Variants in MEGF11 observed in about 807,000 individuals in gnomAD.
The protein encoded by MEGF11 is multiple EGF like domains 11, also known as multiple epidermal growth factor-like domains protein 11.
A neutral mutation model predicts 146.6 loss-of-function variants in MEGF11; 126 were observed. The observed-to-expected ratio is 0.86, with a 90% confidence interval of 0.74 to 1.00. The LOEUF (loss-of-function observed/expected upper bound fraction) is 1.00. Ranked by LOEUF, MEGF11 falls within the 50% of genes least tolerant of loss-of-function variation. The probability of loss-of-function intolerance (pLI) is 0.00; values close to 1 mark genes in which losing one functional copy is unlikely to be tolerated. For synonymous variants in MEGF11, 532 were observed against 583.4 expected (o/e 0.91, Z 1.27); for missense variants, 1,509 against 1,521.2 (o/e 0.99, Z 0.13).
intron 2 of MEGF11, among the ~76,000 whole-genome samples, chr15:66,125,205 G>A (rs190400921): frequency 6.6e-6 from 1 of 152,348 alleles, no homozygotes; most frequent in East Asian, 1.9e-4. Context: ...CACTGGGGAT[G>A]TAAGGAGGGC....
intron 1 of MEGF11, among the ~76,000 whole-genome samples, chr15:66,145,033 G>A (rs2089311945): frequency 6.6e-6 from 1 of 152,152 alleles, no homozygotes; most frequent in Admixed American, 6.5e-5. Flanking sequence ...AGAATTCCCG[G>A]ACAGCCCTGC....
chr15:65,970,777 A>G, intron 7 of MEGF11, 88 bp from the exon 8 acceptor site: 1 of 1,444,306 alleles, frequency 6.9e-7, no homozygotes, highest in South Asian at 1.3e-5. Flanking sequence ...GGCTCCAGGG[A>G]CCACCCAACT....
At chr15:66,045,950 A>G (rs2084186759) in intron 5 of MEGF11, among the ~76,000 whole-genome samples, 1 of 152,048 alleles carries the variant, frequency 6.6e-6, no homozygotes, top group African/African-American at 2.4e-5. Flanking sequence ...TAAAAATACA[A>G]AAATTAGCAT....
At chr15:65,933,515 G>A (rs1258321968) in intron 10 of MEGF11, among the ~76,000 whole-genome samples, 1 of 152,196 alleles carries the variant, frequency 6.6e-6, no homozygotes, top group African/African-American at 2.4e-5. Flanking sequence ...AGCCAAGCTC[G>A]ACACATCTGC....
At chr15:66,021,043 A>G (rs1156791845) in intron 5 of MEGF11, among the ~76,000 whole-genome samples, 2 of 128,122 alleles carry the variant, frequency 1.6e-5, no homozygotes, top group African/African-American at 2.9e-5. Context: ...AAAAAAAAAA[A>G]GAATTCCAGT....
intron 1 of MEGF11, among the ~76,000 whole-genome samples, chr15:66,164,939 G>T (rs1466602128): frequency 6.6e-6 from 1 of 152,196 alleles, no homozygotes; most frequent in African/African-American, 2.4e-5. Flanking sequence ...GGGCTCAGGG[G>T]CAGGAGGTAC....
chr15:66,084,980 G>A (rs767998870), intron 5 of MEGF11, among the ~76,000 whole-genome samples: 12 of 152,182 alleles, frequency 7.9e-5, no homozygotes, highest in African/African-American at 2.2e-4. Context: ...AAGGGGGGAC[G>A]GGGTGCAGCA....
intron 1 of MEGF11, among the ~76,000 whole-genome samples, chr15:66,204,092 A>G (rs1254594294): frequency 6.6e-6 from 1 of 151,928 alleles, no homozygotes; most frequent in Non-Finnish European, 1.5e-5. Context: ...AAGGGGGAAA[A>G]AAAAAAAGGT....
rs68146356 is a variant in MEGF11, at chr15:66,061,641, CT to C, written c.394+32760del. On this transcript the variant is annotated intron_variant, in intron 5 of 25. Coordinates refer to ENST00000395614, the MANE Select transcript of MEGF11 (RefSeq NM_001385028.1). ...GGTGCTAGAACCTCTTTTTTTGAGCCTTTTTTTTTTTTGAGGCAGGGTCTTG... is the reference window on the plus strand; with the variant it reads ...GGTGCTAGAACCTCTTTTTTTGAGCCTTTTTTTTTTTGAGGCAGGGTCTTG... Among the ~76,000 whole-genome samples the C allele has an allele frequency of 6.3e-3, 904 of 143,332 alleles. 9 individuals are homozygous for C. The highest frequency in any genetic ancestry group is 0.022 in the African/African-American group (873 of 38,888). 94.0% of individuals were successfully genotyped at this position (143,332 alleles called of 152,430 possible).
At chr15:66,139,816 G>A (rs1317326041) in intron 1 of MEGF11, among the ~76,000 whole-genome samples, 2 of 152,168 alleles carry the variant, frequency 1.3e-5, no homozygotes, top group Non-Finnish European at 1.5e-5. Flanking sequence ...GAAGAATGCC[G>A]ACCAAGGCAT....
At chr15:66,172,043 G>A (rs553630185) in intron 1 of MEGF11, among the ~76,000 whole-genome samples, 10 of 152,290 alleles carry the variant, frequency 6.6e-5, no homozygotes, top group African/African-American at 2.4e-4. Flanking sequence ...CAGGATGGGA[G>A]GCCTAATGTG....
intron 1 of MEGF11, among the ~76,000 whole-genome samples, chr15:66,210,836 T>C (rs1353372263): frequency 6.6e-6 from 1 of 152,184 alleles, no homozygotes; most frequent in South Asian, 2.1e-4. Context: ...TTCTAGGTAA[T>C]TCCCAGCAAT....
intron 1 of MEGF11, among the ~76,000 whole-genome samples, chr15:66,231,843 C>T (rs1048281279): frequency 1.3e-5 from 2 of 152,188 alleles, no homozygotes; most frequent in Non-Finnish European, 2.9e-5. Flanking sequence ...TGTGGAAGCT[C>T]GGAATACATG....
chr15:66,245,439 G>T (rs2092281107), intron 1 of MEGF11, among the ~76,000 whole-genome samples: 2 of 150,160 alleles, frequency 1.3e-5, no homozygotes, highest in South Asian at 4.3e-4. Flanking sequence ...ACCTGCCTGG[G>T]TAATATAGCA....
At chr15:66,157,732 G>A (rs952598586) in intron 1 of MEGF11, among the ~76,000 whole-genome samples, 1 of 152,188 alleles carries the variant, frequency 6.6e-6, no homozygotes, top group East Asian at 1.9e-4. Flanking sequence ...AACAAAGAGT[G>A]TATATAGTTG....
intron 5 of MEGF11, among the ~76,000 whole-genome samples, chr15:65,992,520 A>C (rs931347362): frequency 5.3e-5 from 8 of 151,620 alleles, no homozygotes; most frequent in Admixed American, 5.3e-4. Context: ...TTAATATCCA[A>C]GTGGCAATTA....
chr15:65,989,854 AT>A (rs2141746795), intron 5 of MEGF11, among the ~76,000 whole-genome samples: 1 of 152,328 alleles, frequency 6.6e-6, no homozygotes, highest in East Asian at 1.9e-4. Context: ...GGAGGGGGGA[AT>A]TTAGGTTGTC....
intron 10 of MEGF11, among the ~76,000 whole-genome samples, chr15:65,950,609 AC>A (rs2080369183): frequency 6.7e-6 from 1 of 149,392 alleles, no homozygotes; most frequent in Admixed American, 6.6e-5. Context: ...ACACACACAC[AC>A]ACACACACAC....
At chr15:65,948,477 A>G (rs2080277748) in intron 10 of MEGF11, among the ~76,000 whole-genome samples, 1 of 152,170 alleles carries the variant, frequency 6.6e-6, no homozygotes, top group African/African-American at 2.4e-5. Context: ...CATCTCACCA[A>G]TGAGAAACGG....
Sources: gnomAD v4.1 joint callset for allele counts (sites outside exome capture counted in the v4.1 genomes callset) on GRCh38, gnomAD v4.1.1 for gene constraint, MANE v1.5 for transcripts, NCBI Gene and HGNC (gene_info 2026-07-23, HGNC 2026-07-21) for gene names.